Variants in GRIK1 observed in about 807,000 individuals in gnomAD.
The protein encoded by GRIK1 is glutamate ionotropic receptor kainate type subunit 1.
GRIK1 carries 69 observed loss-of-function variants against 105.7 expected under a neutral mutation model. The ratio of observed to expected loss-of-function variants is 0.65; its 90% confidence interval spans 0.54 to 0.80. The LOEUF is 0.80. Ranked by LOEUF, GRIK1 falls within the 30% of genes least tolerant of loss-of-function variation. The probability of loss-of-function intolerance (pLI) is 0.00; values close to 1 mark genes in which losing one functional copy is unlikely to be tolerated. For missense variants in GRIK1, 1,109 were observed against 1,167.3 expected, an observed-to-expected ratio of 0.95 and a Z score of 0.73; for synonymous variants, 438 against 431.3, an observed-to-expected ratio of 1.02 and a Z score of -0.19.
At position 29,654,809 on chromosome 21, in the gene GRIK1, C is replaced by T. The variant is rs1314822532; in HGVS notation, c.780+1G>A. Reference sequence around the variant, plus strand: ...AATACATTTCTCCCAGATGCACTTACCAGGGTTGTGAAAAAGTAGTGATAG... The same window carrying T: ...AATACATTTCTCCCAGATGCACTTATCAGGGTTGTGAAAAAGTAGTGATAG... On this transcript the variant is annotated splice_donor_variant, in intron 5 of 17. Transcript: ENST00000327783. LOFTEE classifies it high-confidence loss of function. The T allele has an allele frequency of 6.5e-7, 1 of 1,542,318 alleles. No homozygotes were observed. Among genetic ancestry groups the T allele is most frequent in the Non-Finnish European group, 9.0e-7 (1 of 1,114,504 alleles).
At chr21:29,723,689 CA>C (rs2064381104) in intron 1 of GRIK1, among the ~76,000 whole-genome samples, 1 of 152,170 alleles carries the variant, frequency 6.6e-6, no homozygotes, top group African/African-American at 2.4e-5. Flanking sequence ...ACAATTAATG[CA>C]TATGGAACAA....
At chr21:29,714,968 T>C (rs2064143914) in intron 1 of GRIK1, among the ~76,000 whole-genome samples, 1 of 152,180 alleles carries the variant, frequency 6.6e-6, no homozygotes, top group Non-Finnish European at 1.5e-5. Flanking sequence ...TAGTTGATAG[T>C]TCATTATTTT....
chr21:29,607,583 G>T (rs1011372703), intron 7 of GRIK1, among the ~76,000 whole-genome samples: 3 of 152,086 alleles, frequency 2.0e-5, no homozygotes, highest in African/African-American at 7.2e-5. Flanking sequence ...CACAGAAATT[G>T]CTTGTATGTA....
chr21:29,765,826 G>C (rs776066380), intron 1 of GRIK1, among the ~76,000 whole-genome samples: 1 of 151,518 alleles, frequency 6.6e-6, no homozygotes, highest in Non-Finnish European at 1.5e-5. Flanking sequence ...TACTGTTCTT[G>C]TCAGCTTAAA....
intron 16 of GRIK1, among the ~76,000 whole-genome samples, chr21:29,541,406 T>G (rs1220172398): frequency 6.6e-6 from 1 of 152,158 alleles, no homozygotes. Context: ...ATGTATAAAG[T>G]GAGACAATAG....
chr21:29,670,485 C>A (rs1253219596), intron 4 of GRIK1, among the ~76,000 whole-genome samples: 1 of 152,190 alleles, frequency 6.6e-6, no homozygotes, highest in African/African-American at 2.4e-5. Context: ...AACTTCAAGT[C>A]CAAATTTAGT....
At chr21:29,542,812 T>A (rs1385326125) in intron 16 of GRIK1, among the ~76,000 whole-genome samples, 1 of 152,214 alleles carries the variant, frequency 6.6e-6, no homozygotes, top group Non-Finnish European at 1.5e-5. Flanking sequence ...ACAATACAAA[T>A]CTTACATTTT....
At chr21:29,709,302 A>G (rs1194262539) in intron 1 of GRIK1, among the ~76,000 whole-genome samples, 1 of 131,596 alleles carries the variant, frequency 7.6e-6, no homozygotes, top group East Asian at 2.1e-4. Context: ...TTTTTTTGAG[A>G]CAGAGTCTAG....
chr21:29,549,294 C>A (rs556834716), intron 16 of GRIK1, among the ~76,000 whole-genome samples: 16 of 152,206 alleles, frequency 1.1e-4, no homozygotes, highest in African/African-American at 3.6e-4. Context: ...TTAATAAAAA[C>A]TCATGTTTAC....
chr21:29,560,695 G>A lies in GRIK1; in HGVS notation c.2356+929C>T, dbSNP rs186240555. On this transcript the variant is annotated intron_variant, in intron 15 of 17. Coordinates refer to ENST00000327783, the MANE Select transcript of GRIK1 (RefSeq NM_001330994.2). ...CAGCTCACTGCAACCTCCACCTCCC[G>A]GGTTCAAATGATTCTCCTGCCTCAG... is the stretch of plus-strand genomic sequence containing the variant. Among the ~76,000 whole-genome samples, 336 of 150,448 alleles carry A rather than the reference G, an allele frequency of 2.2e-3. 3 individuals are homozygous for A. Among genetic ancestry groups the A allele is most frequent in the African/African-American group, 8.0e-3 (328 of 40,760 alleles).
At chr21:29,572,175 T>G (rs2146216484) in intron 14 of GRIK1, among the ~76,000 whole-genome samples, 1 of 152,250 alleles carries the variant, frequency 6.6e-6, no homozygotes, top group Admixed American at 6.5e-5. Context: ...AGCCGAAACT[T>G]TTCTTTCCCT....
At chr21:29,836,198 T>C (rs780086679) in intron 1 of GRIK1, among the ~76,000 whole-genome samples, 10 of 152,192 alleles carry the variant, frequency 6.6e-5, no homozygotes, top group Non-Finnish European at 1.2e-4. Flanking sequence ...ACTGAGGCAC[T>C]GGGAAATTTA....
chr21:29,889,494 CCTT>C (rs969143163), intron 1 of GRIK1, among the ~76,000 whole-genome samples: 4 of 151,822 alleles, frequency 2.6e-5, no homozygotes, highest in African/African-American at 9.7e-5. Context: ...TTTTCCTTCT[CCTT>C]CTTTTTTTTT....
At chr21:29,721,398 C>T (rs1027388359) in intron 1 of GRIK1, among the ~76,000 whole-genome samples, 4 of 151,982 alleles carry the variant, frequency 2.6e-5, no homozygotes, top group Admixed American at 6.6e-5. Context: ...AGAGACCAGC[C>T]GCTTTCTCTT....
At chr21:29,731,687 C>T (rs548604295) in intron 1 of GRIK1, among the ~76,000 whole-genome samples, 1 of 152,282 alleles carries the variant, frequency 6.6e-6, no homozygotes, top group South Asian at 2.1e-4. Flanking sequence ...TGTTGATCAC[C>T]ATCAATTAGA....
intron 1 of GRIK1, among the ~76,000 whole-genome samples, chr21:29,937,045 C>T (rs1194254027): frequency 1.3e-5 from 2 of 152,122 alleles, no homozygotes; most frequent in African/African-American, 4.8e-5. Flanking sequence ...AAGAATGGGA[C>T]AGGATATAAT....
chr21:29,735,627 T>C (rs1601562055), intron 1 of GRIK1, among the ~76,000 whole-genome samples: 1 of 152,080 alleles, frequency 6.6e-6, no homozygotes, highest in South Asian at 2.1e-4. Context: ...CTGGGCACGG[T>C]TGCTCAGGAC....
chr21:29,885,058 C>A lies in GRIK1; in HGVS notation c.118+54325G>T, dbSNP rs138104087. ...TCCTTGAGTAAATGAGAATGAGCTG[C>A]ATTTTAAAAACTACTTTTTAATGGA... On this transcript the variant is annotated intron_variant, in intron 1 of 17. Transcript: ENST00000327783. Among the ~76,000 whole-genome samples, 10 of 152,124 alleles carry A rather than the reference C, an allele frequency of 6.6e-5. No individual in the cohort carries two copies. The East Asian group carries it at 1.7e-3, about 26-fold the overall frequency.
At chr21:29,905,005 G>A (rs1414537204) in intron 1 of GRIK1, among the ~76,000 whole-genome samples, 1 of 152,154 alleles carries the variant, frequency 6.6e-6, no homozygotes, top group Non-Finnish European at 1.5e-5. Context: ...GGCCACACGA[G>A]GTCCTCTCTG....
Sources: gnomAD v4.1 joint callset for allele counts (sites outside exome capture counted in the v4.1 genomes callset) on GRCh38, gnomAD v4.1.1 for gene constraint, MANE v1.5 for transcripts, NCBI Gene and HGNC (gene_info 2026-07-23, HGNC 2026-07-21) for gene names.